The following CDH13 variants were observed in gnomAD, a reference collection of about 807,000 sequenced individuals.
CDH13 encodes the protein cadherin-13.
A neutral mutation model predicts 63.8 loss-of-function variants in CDH13; 24 were observed. That is an observed-to-expected ratio of 0.38 (90% CI 0.27 to 0.53). The LOEUF (loss-of-function observed/expected upper bound fraction) is 0.53. Ranked by LOEUF, CDH13 falls within the 20% of genes least tolerant of loss-of-function variation. The pLI, the probability that CDH13 is intolerant of heterozygous loss-of-function variation, is 0.85. For synonymous variants in CDH13, 503 were observed against 355.3 expected, an observed-to-expected ratio of 1.42 and a Z score of -4.67; for missense variants, 1,049 against 903.1, an observed-to-expected ratio of 1.16 and a Z score of -2.07.
At chr16:83,775,735 A>G (rs542031816) in intron 11 of CDH13, among the ~76,000 whole-genome samples, 2 of 152,104 alleles carry the variant, frequency 1.3e-5, no homozygotes, top group Non-Finnish European at 2.9e-5. Context: ...AAAAAAAAGA[A>G]AAAAGAAAGA....
At chr16:83,095,990 A>C (rs1038132098) in intron 3 of CDH13, among the ~76,000 whole-genome samples, 4 of 152,204 alleles carry the variant, frequency 2.6e-5, no homozygotes, top group African/African-American at 9.6e-5. Context: ...TAAAGGTTGA[A>C]CATGTCTTTA....
At chr16:82,891,587 T>C (rs550833556) in intron 2 of CDH13, among the ~76,000 whole-genome samples, 5 of 152,336 alleles carry the variant, frequency 3.3e-5, no homozygotes, top group African/African-American at 1.2e-4. Context: ...TATGTTGTTA[T>C]TTTTGGATCA....
chr16:83,188,802 A>G (rs1279625645), intron 4 of CDH13, among the ~76,000 whole-genome samples: 3 of 152,204 alleles, frequency 2.0e-5, no homozygotes, highest in Non-Finnish European at 4.4e-5. Context: ...TTTATAAGCA[A>G]TTATTACGGT....
At chr16:83,014,993 T>G (rs1253742840) in intron 2 of CDH13, among the ~76,000 whole-genome samples, 1 of 150,340 alleles carries the variant, frequency 6.7e-6, no homozygotes, top group African/African-American at 2.4e-5. Context: ...AGCAGATAGA[T>G]CCATACTAAG....
chr16:83,162,326 GAA>G (rs2037483634), intron 4 of CDH13, among the ~76,000 whole-genome samples: 2 of 152,026 alleles, frequency 1.3e-5, no homozygotes, highest in Admixed American at 1.3e-4. Context: ...TCATGATGAT[GAA>G]AGCATCATCA....
chr16:83,089,170 C>T (rs1218642198), intron 3 of CDH13, among the ~76,000 whole-genome samples: 1 of 152,178 alleles, frequency 6.6e-6, no homozygotes, highest in Non-Finnish European at 1.5e-5. Flanking sequence ...CTATCATCTC[C>T]ATTTTACAGA....
intron 5 of CDH13, among the ~76,000 whole-genome samples, chr16:83,231,431 T>C (rs1211916556): frequency 6.6e-6 from 1 of 152,164 alleles, no homozygotes. Context: ...TGAGGAGAAT[T>C]GCACGTTAAC....
intron 13 of CDH13, 94 bp downstream of exon 13, chr16:83,783,566 A>G: frequency 2.1e-6 from 2 of 933,600 alleles, no homozygotes; most frequent in Non-Finnish European, 3.5e-6. Flanking sequence ...CTTTCCAAGA[A>G]GATGTTTCCC....
intron 1 of CDH13, among the ~76,000 whole-genome samples, chr16:82,677,106 T>C (rs1028094695): frequency 1.3e-5 from 2 of 152,170 alleles, no homozygotes; most frequent in African/African-American, 4.8e-5. Context: ...ATGATCTTGA[T>C]CTCTTGACCT....
At chr16:83,113,671 G>A (rs765018006) in intron 3 of CDH13, among the ~76,000 whole-genome samples, 22 of 152,174 alleles carry the variant, frequency 1.4e-4, no homozygotes, top group African/African-American at 3.1e-4. Flanking sequence ...AAAAGAGACC[G>A]AGGAAGCCTA....
chr16:82,978,393 G>T (rs893407531), intron 2 of CDH13, among the ~76,000 whole-genome samples: 18 of 152,174 alleles, frequency 1.2e-4, no homozygotes, highest in Admixed American at 3.3e-4. Context: ...ATGTCTCCAG[G>T]GCATGTCAGG....
At chr16:83,465,015 A>G (rs975754086) in intron 6 of CDH13, among the ~76,000 whole-genome samples, 6 of 152,190 alleles carry the variant, frequency 3.9e-5, no homozygotes, top group Non-Finnish European at 1.5e-5. Context: ...GAACCATTGA[A>G]TTGGATACAG....
chr16:82,993,266 C>T (rs939073902), intron 2 of CDH13, among the ~76,000 whole-genome samples: 2 of 152,078 alleles, frequency 1.3e-5, no homozygotes, highest in Non-Finnish European at 2.9e-5. Flanking sequence ...ATGTCTTGGG[C>T]TCTCCCACCG....
At chr16:83,309,769 C>G (rs1462724360) in intron 5 of CDH13, among the ~76,000 whole-genome samples, 1 of 152,050 alleles carries the variant, frequency 6.6e-6, no homozygotes, top group Non-Finnish European at 1.5e-5. Flanking sequence ...CCTCAGCCTT[C>G]TGGAAAAGAG....
Position 83,486,607 on chromosome 16 carries a change from G to A in CDH13, c.912G>A (p.Glu304=), listed in dbSNP as rs1361139505. 1 of 1,613,932 alleles carries A rather than the reference G, an allele frequency of 6.2e-7. No homozygotes were observed. ...PSPNMFYIDP[E]KGDIVTVVSP... ...CCAACATGTTCTACATCGATCCTGA[G>A]AAAGGAGACATTGTCACTGTTGTGT... Residue 304 remains glutamate, a synonymous_variant, in exon 7 of 14, where the codon GAG becomes GAA. Coordinates refer to ENST00000567109, the MANE Select transcript of CDH13 (RefSeq NM_001257.5).
intron 1 of CDH13, among the ~76,000 whole-genome samples, chr16:82,757,614 A>ATTATGTCAACATTTAATTGCAAGAG (rs1555511727): frequency 1.3e-4 from 20 of 151,300 alleles, no homozygotes; most frequent in South Asian, 4.2e-4. Flanking sequence ...TTGCAAATGC[A>ATTATGTCAACATTTAATTGCAAGAG]AGCTTTGGTA....
At chr16:82,655,610 C>G (rs1437251695) in intron 1 of CDH13, among the ~76,000 whole-genome samples, 1 of 152,054 alleles carries the variant, frequency 6.6e-6, no homozygotes, top group East Asian at 1.9e-4. Context: ...GAGGGCAAGG[C>G]AGTGACATCA....
chr16:83,561,630 A>T (rs1366684333), intron 7 of CDH13, among the ~76,000 whole-genome samples: 3 of 152,234 alleles, frequency 2.0e-5, no homozygotes, highest in Non-Finnish European at 4.4e-5. Context: ...TGTATTTTCT[A>T]CAATGATCTT....
At chr16:83,602,107 CAAAAAAAA>C (rs869202510) in intron 7 of CDH13, among the ~76,000 whole-genome samples, 4 of 7,958 alleles carry the variant, frequency 5.0e-4, no homozygotes, top group East Asian at 3.8e-3. Context: ...AGAACAACAA[CAAAAAAAA>C]AAAAAAAAAA....
Sources: gnomAD v4.1 joint callset for allele counts (sites outside exome capture counted in the v4.1 genomes callset) on GRCh38, gnomAD v4.1.1 for gene constraint, MANE v1.5 for transcripts, NCBI Gene and HGNC (gene_info 2026-07-23, HGNC 2026-07-21) for gene names.